CENPA: variants seen among roughly 807,000 people sequenced by gnomAD.
CENPA encodes histone H3-like centromeric protein A.
Under a neutral mutation model 17.2 loss-of-function variants are expected in CENPA, and 7 were observed. The observed-to-expected ratio is 0.41, with a 90% confidence interval of 0.23 to 0.76. The LOEUF is 0.76. CENPA is among the 30% of genes least tolerant of loss of function. The pLI, the probability that CENPA is intolerant of heterozygous loss-of-function variation, is 0.34. For missense variants in CENPA, 149 were observed against 193.1 expected (o/e 0.77, Z 1.35); for synonymous variants, 82 against 77.4 (o/e 1.06, Z -0.31).
chr2:26,792,486 C>T (rs180739896), intron 2 of CENPA: 117 of 711,794 alleles, frequency 1.6e-4, no homozygotes, highest in Admixed American at 3.0e-4. Flanking sequence ...GGAACTCTCT[C>T]GTTTGTCCAC....
chr2:26,793,111 A>C (rs763975420), intron 3 of CENPA, 34 bp from the exon 4 acceptor site: 1 of 1,612,586 alleles, frequency 6.2e-7, no homozygotes, highest in South Asian at 1.1e-5. Context: ...GTGGCCCTTC[A>C]TCTGTGTCCG....
At chr2:26,792,918 C>G in intron 3 of CENPA, 85 bp downstream of exon 3, 2 of 1,354,926 alleles carry the variant, frequency 1.5e-6, no homozygotes. Context: ...ACTGGAGTGT[C>G]ACATGCTGAA....
At chr2:26,787,967 T>G (rs1000956442) in intron 1 of CENPA, among the ~76,000 whole-genome samples, 64 of 152,340 alleles carry the variant, frequency 4.2e-4, no homozygotes, top group African/African-American at 1.4e-3. Context: ...AGTAAGGCCC[T>G]GAGACTCACT....
intron 3 of CENPA, 24 bp downstream of exon 3, chr2:26,792,857 T>C: frequency 6.2e-7 from 1 of 1,606,902 alleles, no homozygotes; most frequent in East Asian, 2.2e-5. Context: ...AAGGCACAAT[T>C]GGGTGAGGGC....
In CENPA at chr2:26,789,389, C is replaced by A. The variant is rs529570208; in HGVS notation, c.101-2742C>A. On this transcript the variant is annotated intron_variant, in intron 1 of 4. Transcript: ENST00000335756. ...TGGTGTTCTCTACTGCCTGTGCTGC[C>A]TCCCTCGGCTCCTTGATGTTGGACT... 3.9e-5 allele frequency among the ~76,000 whole-genome samples: 6 copies of A among 152,096 alleles called. No individual in the cohort carries two copies. In the South Asian group the frequency reaches 1.2e-3, roughly 32 times the overall value.
Position 26,786,311 on chromosome 2 carries a change from C to G in CENPA, c.100+15C>G, listed in dbSNP as rs1385977819. The G allele has an allele frequency of 7.6e-7, 1 of 1,313,284 alleles. No homozygotes were observed. Among genetic ancestry groups the G allele is most frequent in the South Asian group, 2.0e-5 (1 of 49,302 alleles). The allele number at this position is 1,313,284 out of a possible 1,614,324, so 81.4% of individuals were successfully genotyped here. On this transcript the variant is annotated intron_variant, in intron 1 of 4. Transcript: ENST00000335756. ...CCCCTCCTTAGGTAACCGGCCGCGG[C>G]CCCATCTCGAAGAGGAGAAAACCGA...
intron 1 of CENPA, among the ~76,000 whole-genome samples, chr2:26,791,100 C>T (rs1358109339): frequency 1.3e-5 from 2 of 152,190 alleles, no homozygotes; most frequent in Non-Finnish European, 2.9e-5. Flanking sequence ...TTTATTTTCA[C>T]TAACTTATTT....
chr2:26,786,514 A>G (rs74403243), intron 1 of CENPA, among the ~76,000 whole-genome samples: 4,142 of 152,310 alleles, frequency 0.027, 186 homozygotes, highest in African/African-American at 0.092. Flanking sequence ...CTTGGCTCCT[A>G]ACGCCGTCTT....
rs1354549580 is a variant in CENPA, at chr2:26,792,240, G to A, written c.210G>A (p.Leu70=). The A allele has an allele frequency of 6.2e-7, 1 of 1,611,904 alleles. No homozygotes were observed. The highest frequency in any genetic ancestry group is 8.5e-7 in the Non-Finnish European group (1 of 1,178,978). ...LLIRKLPFSR[L]AREICVKFTR... is the part of the protein sequence containing the mutation. The stretch of plus-strand genomic sequence containing the variant: ...TAAGGAAGCTGCCCTTCAGCCGCCT[G>A]GTAAGCTCCGGGAGCTTCCCACCAA... The change falls in exon 2 of 5, where the codon CTG becomes CTA. Residue 70 remains leucine (L), a splice_region_variant and synonymous_variant. Coordinates refer to ENST00000335756, the MANE Select transcript of CENPA (RefSeq NM_001809.4).
Position 26,786,435 on chromosome 2 carries a change from C to G in CENPA, c.100+139C>G, listed in dbSNP as rs1037621020. On this transcript the variant is annotated intron_variant, in intron 1 of 4. Transcript: ENST00000335756. ...CGCCGTCCGGCATCCGCTCCGGGCA[C>G]GGGCGGTGCCAGCCCTGCGAGGGGC... The G allele has an allele frequency of 1.2e-5, 14 of 1,164,698 alleles. No individual in the cohort carries two copies. The African/African-American group carries it at 1.8e-4, about 15-fold the overall frequency. 72.1% of individuals were successfully genotyped at this position (1,164,698 alleles called of 1,614,324 possible).
Position 26,792,125 on chromosome 2 carries a change from G to A in CENPA, c.101-6G>A, listed in dbSNP as rs1229361922. On this transcript the variant is annotated splice_region_variant and splice_polypyrimidine_tract_variant and intron_variant, in intron 1 of 4. Transcript: ENST00000335756. ...TTTCCACTGAACTTACCTTTCTTTTGCTCAGGCGCTTCCTCCCATCAACAC... is the reference window on the plus strand; with the variant it reads ...TTTCCACTGAACTTACCTTTCTTTTACTCAGGCGCTTCCTCCCATCAACAC... 4.3e-6 allele frequency: 7 copies of A among 1,612,834 alleles called. No individual in the cohort carries two copies. Among genetic ancestry groups the A allele is most frequent in the Non-Finnish European group, 5.9e-6 (7 of 1,179,522 alleles).
intron 1 of CENPA, among the ~76,000 whole-genome samples, chr2:26,788,839 C>T (rs1664563605): frequency 6.6e-6 from 1 of 152,150 alleles, no homozygotes; most frequent in Non-Finnish European, 1.5e-5. Context: ...CCGCATCCGG[C>T]TAATTTTGTG....
At chr2:26,791,265 A>G (rs1287606192) in intron 1 of CENPA, among the ~76,000 whole-genome samples, 1 of 152,172 alleles carries the variant, frequency 6.6e-6, no homozygotes, top group Non-Finnish European at 1.5e-5. Context: ...TTTTGGCTGT[A>G]TCTCATAAGT....
intron 2 of CENPA, 157 bp from the exon 3 acceptor site, chr2:26,792,599 A>G (rs1664641278): frequency 1.3e-6 from 1 of 741,676 alleles, no homozygotes; most frequent in East Asian, 2.7e-5. Flanking sequence ...AGCTCCCAGG[A>G]GTCAACACCT....
intron 1 of CENPA, among the ~76,000 whole-genome samples, chr2:26,791,647 A>C (rs755442878): frequency 2.0e-5 from 3 of 152,176 alleles, no homozygotes; most frequent in Non-Finnish European, 4.4e-5. Flanking sequence ...AGTCTCTCAG[A>C]TTCTTTCCAG....
chr2:26,786,600 A>G (rs1380775385), intron 1 of CENPA, among the ~76,000 whole-genome samples: 3 of 152,238 alleles, frequency 2.0e-5, no homozygotes, highest in Non-Finnish European at 4.4e-5. Flanking sequence ...TTCGTGCGTT[A>G]TCTCAGCTTC....
At chr2:26,786,441 G>T in intron 1 of CENPA, 145 bp downstream of exon 1, 2 of 1,151,052 alleles carry the variant, frequency 1.7e-6, no homozygotes, top group African/African-American at 3.2e-5. Flanking sequence ...GGCACGGGCG[G>T]TGCCAGCCCT....
intron 1 of CENPA, among the ~76,000 whole-genome samples, 175 bp from the exon 2 acceptor site, chr2:26,791,956 T>C (rs1216406561): frequency 6.6e-6 from 1 of 152,232 alleles, no homozygotes; most frequent in African/African-American, 2.4e-5. Context: ...AAAAGTATTG[T>C]GGTTTTTGCC....
Position 26,786,247 on chromosome 2 carries a change from C to A in CENPA, c.51C>A (p.Ser17Arg). 1 of 1,390,652 alleles carries A rather than the reference C, an allele frequency of 7.2e-7. No individual in the cohort carries two copies. The allele number at this position is 1,390,652 out of a possible 1,614,324, so 86.1% of individuals were successfully genotyped here. The change falls in exon 1 of 5, where the codon AGC (serine) becomes AGA (arginine). Residue 17 changes from serine (S) to arginine (R), a missense_variant. Transcript: ENST00000335756. ...SRKPEAPRRR[S>R]PSPTPTPGPS... ...AGCCCGAGGCCCCGAGGAGGCGCAG[C>A]CCGAGCCCGACCCCGACCCCCGGCC...
Sources: gnomAD v4.1 joint callset for allele counts (sites outside exome capture counted in the v4.1 genomes callset) on GRCh38, gnomAD v4.1.1 for gene constraint, MANE v1.5 for transcripts, NCBI Gene and HGNC (gene_info 2026-07-23, HGNC 2026-07-21) for gene names.